Variants in PM20D2 observed in about 807,000 individuals in gnomAD.
PM20D2 encodes peptidase M20 domain containing 2, also known as xaa-Arg dipeptidase.
In PM20D2, 33 loss-of-function variants were observed where a neutral mutation model predicts 42.9. That is an observed-to-expected ratio of 0.77 (90% CI 0.58 to 1.03). PM20D2 has a LOEUF of 1.03. PM20D2 is among the 50% of genes least tolerant of loss of function. The pLI is 0.00. For missense variants in PM20D2, 548 were observed against 557.0 expected, an observed-to-expected ratio of 0.98 and a Z score of 0.16; for synonymous variants, 250 against 228.2, an observed-to-expected ratio of 1.10 and a Z score of -0.86.
At chr6:89,155,359 C>T (rs186544393) in intron 4 of PM20D2, among the ~76,000 whole-genome samples, 25 of 148,712 alleles carry the variant, frequency 1.7e-4, no homozygotes, top group African/African-American at 5.7e-4. Context: ...ACTACAACCT[C>T]CGCCTTCCAG....
chr6:89,122,880 A>T, the PM20D2 span, among the ~76,000 whole-genome samples: 9 of 152,184 alleles, frequency 5.9e-5, no homozygotes, highest in African/African-American at 2.2e-4. Context: ...TTTGTATAGA[A>T]CACATTGTAA....
chr6:89,130,819 C>CTTCTTTTTTTTTT, the PM20D2 span, among the ~76,000 whole-genome samples: 2 of 24,036 alleles, frequency 8.3e-5, no homozygotes, highest in African/African-American at 2.9e-4. Flanking sequence ...GCTTCTTCTT[C>CTTCTTTTTTTTTT]TTTTTTTTTT....
At position 89,146,565 on chromosome 6, in the gene PM20D2, A is replaced by AG. The variant is rs1444988682; in HGVS notation, c.427dup (p.Ala143GlyfsTer30). 1.0e-5 allele frequency: 15 copies of AG among 1,491,988 alleles called. No homozygotes were observed. Among genetic ancestry groups the AG allele is most frequent in the South Asian group, 1.3e-5 (1 of 79,278 alleles). The allele number at this position is 1,491,988 out of a possible 1,614,324, so 92.4% of individuals were successfully genotyped here. A position where few individuals can be genotyped will look rare whatever the true frequency, so the allele number is the denominator to read the frequency against. On this transcript the variant is annotated frameshift_variant, in exon 1 of 7. Transcript: ENST00000275072. LOFTEE classifies it high-confidence loss of function. ...CGGGGCGGCGGCCGCGCTGGGCGTG[A>AG]GGGGGGCCTTAGAGGGCCTCCCCAG...
chr6:89,102,341 G>A, the PM20D2 span, among the ~76,000 whole-genome samples: 2 of 152,052 alleles, frequency 1.3e-5, no homozygotes, highest in Admixed American at 6.6e-5. Flanking sequence ...ATGGGGTTTC[G>A]CCATGTTGGC....
intron 3 of PM20D2, among the ~76,000 whole-genome samples, chr6:89,153,921 A>ATT (rs1770944619): frequency 6.6e-6 from 1 of 152,072 alleles, no homozygotes; most frequent in Non-Finnish European, 1.5e-5. Context: ...GTCTTTTAAA[A>ATT]TTATATATAT....
At chr6:89,116,710 G>A in the PM20D2 span, among the ~76,000 whole-genome samples, 9 of 151,578 alleles carry the variant, frequency 5.9e-5, no homozygotes, top group Non-Finnish European at 1.2e-4. Flanking sequence ...GGGAGGCAGA[G>A]GTTGCAGCCA....
chr6:89,130,752 A>T, the PM20D2 span, among the ~76,000 whole-genome samples: 1 of 147,298 alleles, frequency 6.8e-6, no homozygotes, highest in Non-Finnish European at 1.5e-5. Flanking sequence ...GAGCCACTAC[A>T]TCTGGCCTTG....
chr6:89,109,597 T>C, the PM20D2 span, among the ~76,000 whole-genome samples: 3 of 152,194 alleles, frequency 2.0e-5, no homozygotes, highest in Non-Finnish European at 4.4e-5. Flanking sequence ...TGCAGCACTG[T>C]GTGCCACAGA....
At chr6:89,152,223 G>A (rs553754426) in intron 2 of PM20D2, among the ~76,000 whole-genome samples, 1 of 152,242 alleles carries the variant, frequency 6.6e-6, no homozygotes, top group South Asian at 2.1e-4. Flanking sequence ...TAGAATGTCT[G>A]GAATCAGTTG....
At chr6:89,104,856 C>A in the PM20D2 span, among the ~76,000 whole-genome samples, 1 of 151,980 alleles carries the variant, frequency 6.6e-6, no homozygotes, top group African/African-American at 2.4e-5. Context: ...AATTTAAGAC[C>A]AGCCTGGGCA....
Position 89,146,373 on chromosome 6 carries a change from G to A in PM20D2, c.229G>A (p.Val77Met). The A allele has an allele frequency of 1.3e-6, 2 of 1,539,124 alleles. No individual in the cohort carries two copies. The highest frequency in any genetic ancestry group is 1.7e-6 in the Non-Finnish European group (2 of 1,150,586). The change falls in exon 1 of 7, where the codon GTG (valine) becomes ATG (methionine). Residue 77 changes from valine (V) to methionine (M), a missense_variant. Physicochemically the swap from Val to Met is conservative, Grantham distance 21. Coordinates refer to ENST00000275072, the MANE Select transcript of PM20D2 (RefSeq NM_001010853.3). ...GGAGCCGCCCGCGGCCTCCTGGGCA[G>A]TGCAGCCGCACTACCAGCTGCCCAC... ...EREPPAASWAVQPHYQLPTAF... is the reference protein window; with the variant it reads ...EREPPAASWAMQPHYQLPTAF...
chr6:89,117,727 T>C, the PM20D2 span: 3 of 1,253,626 alleles, frequency 2.4e-6, no homozygotes, highest in Non-Finnish European at 2.1e-6. Flanking sequence ...TCCGCGCAGC[T>C]CCCCCGAGCC....
the PM20D2 span, among the ~76,000 whole-genome samples, chr6:89,115,637 T>C: frequency 6.2e-5 from 9 of 145,106 alleles, no homozygotes; most frequent in African/African-American, 2.1e-4. Flanking sequence ...CTTTCTTTTT[T>C]TTTTTTTTTT....
At chr6:89,112,968 C>T in the PM20D2 span, among the ~76,000 whole-genome samples, 2 of 152,008 alleles carry the variant, frequency 1.3e-5, no homozygotes. Context: ...ACATGCTGTA[C>T]AGGTATGTAG....
At chr6:89,118,945 C>G in the PM20D2 span, among the ~76,000 whole-genome samples, 1 of 152,266 alleles carries the variant, frequency 6.6e-6, no homozygotes, top group Non-Finnish European at 1.5e-5. Context: ...CTTCGCCTTG[C>G]TCCTGTGGCC....
the PM20D2 span, among the ~76,000 whole-genome samples, chr6:89,122,370 A>G: frequency 1.3e-5 from 2 of 152,196 alleles, no homozygotes; most frequent in South Asian, 2.1e-4. Context: ...ATTTCTTCCT[A>G]ATTACCATGG....
At chr6:89,134,266 C>G in the PM20D2 span, among the ~76,000 whole-genome samples, 11 of 151,298 alleles carry the variant, frequency 7.3e-5, no homozygotes, top group African/African-American at 2.5e-4. Context: ...CATGAGTAAA[C>G]AAGTTATTTA....
intron 3 of PM20D2, among the ~76,000 whole-genome samples, chr6:89,154,161 G>C (rs7452757): frequency 2.0e-5 from 3 of 151,982 alleles, no homozygotes; most frequent in Non-Finnish European, 4.4e-5. Context: ...GTAGGTCATA[G>C]GACATTGGAT....
At chr6:89,152,340 A>G (rs1437213496) in intron 2 of PM20D2, among the ~76,000 whole-genome samples, 1 of 152,222 alleles carries the variant, frequency 6.6e-6, no homozygotes, top group Non-Finnish European at 1.5e-5. Context: ...ATCAGGCTTA[A>G]AAAGTGTTAT....
Sources: allele counts gnomAD v4.1 joint callset (sites outside exome capture counted in the v4.1 genomes callset), GRCh38; gene constraint gnomAD v4.1.1; transcripts MANE v1.5; gene names NCBI Gene and HGNC (gene_info 2026-07-23, HGNC 2026-07-21).